The following POU3F3 variants were observed in gnomAD, a reference collection of about 807,000 sequenced individuals.
POU3F3 encodes the protein POU domain, class 3, transcription factor 3.
In POU3F3, 1 loss-of-function variant was observed where a neutral mutation model predicts 8.6. The observed-to-expected ratio is 0.12, with a 90% CI of 0.04 to 0.55. POU3F3 has a LOEUF of 0.55. Among genes scored for constraint, POU3F3 ranks in the 20% least tolerant of loss-of-function variants. The pLI, the probability that POU3F3 is intolerant of heterozygous loss-of-function variation, is 0.91. For synonymous variants in POU3F3, 418 were observed against 327.4 expected, an observed-to-expected ratio of 1.28 and a Z score of -2.99; for missense variants, 577 against 690.7, an observed-to-expected ratio of 0.84 and a Z score of 1.84.
At chr2:104,872,285 G>A in the POU3F3 span, 1 of 456,540 alleles carries the variant, frequency 2.2e-6, no homozygotes, top group African/African-American at 2.0e-5. This position sits in a 1 kb window ranked among gnomAD's most constrained non-coding sequence, Gnocchi z 4.6. Flanking sequence ...ACAGGAAACC[G>A]GCCTCTTCGG....
the POU3F3 span, chr2:104,867,402 C>G: frequency 7.4e-4 from 112 of 152,356 alleles, 1 homozygote; most frequent in African/African-American, 2.5e-3. This position sits in a 1 kb window ranked among gnomAD's most constrained non-coding sequence, Gnocchi z 5.0. Flanking sequence ...AGGCTCCCTA[C>G]AAAACTAGTA....
the POU3F3 span, among the ~76,000 whole-genome samples, chr2:104,900,272 A>G: frequency 6.6e-6 from 1 of 152,334 alleles, no homozygotes; most frequent in East Asian, 1.9e-4. Context: ...GTTAGATGAC[A>G]CTTTAACAAC....
the POU3F3 span, chr2:104,865,454 A>C: frequency 6.6e-6 from 1 of 152,248 alleles, no homozygotes; most frequent in African/African-American, 2.4e-5. Context: ...AATGGAATGG[A>C]CATTGAGATG....
chr2:104,863,159 AATTATT>A (rs3056838), downstream of POU3F3, among the ~76,000 whole-genome samples: 29,072 of 134,622 alleles, frequency 0.22, 3,208 homozygotes, highest in African/African-American at 0.26. Flanking sequence ...TCATAATAAC[AATTATT>A]ATTATTATTA....
At chr2:104,927,151 A>G in the POU3F3 span, among the ~76,000 whole-genome samples, 1 of 152,160 alleles carries the variant, frequency 6.6e-6, no homozygotes, top group African/African-American at 2.4e-5. Context: ...TGGGAAAGGC[A>G]AGGGATCTCT....
At chr2:104,866,888 G>T in the POU3F3 span, 1 of 152,250 alleles carries the variant, frequency 6.6e-6, no homozygotes, top group Non-Finnish European at 1.5e-5. Context: ...GGTATGGTGG[G>T]GGCAGTGGTA....
At chr2:104,926,226 A>G in the POU3F3 span, among the ~76,000 whole-genome samples, 2 of 152,258 alleles carry the variant, frequency 1.3e-5, no homozygotes, top group East Asian at 1.9e-4. Flanking sequence ...GCTAATATCC[A>G]GAATCTACAA....
chr2:104,906,977 G>A, the POU3F3 span, among the ~76,000 whole-genome samples: 47 of 152,024 alleles, frequency 3.1e-4, no homozygotes, highest in Non-Finnish European at 5.6e-4. Context: ...TATCTGTCGG[G>A]GTTGGCTTTC....
chr2:104,919,404 G>A, the POU3F3 span, among the ~76,000 whole-genome samples: 1 of 152,186 alleles, frequency 6.6e-6, no homozygotes, highest in Non-Finnish European at 1.5e-5. Context: ...AGCTTTCAGA[G>A]CCCATTCCTG....
chr2:104,914,623 G>T, the POU3F3 span, among the ~76,000 whole-genome samples: 1 of 152,186 alleles, frequency 6.6e-6, no homozygotes, highest in African/African-American at 2.4e-5. Context: ...TGGTGAGGGT[G>T]TGGGTATATC....
At chr2:104,922,695 T>C in the POU3F3 span, among the ~76,000 whole-genome samples, 2 of 152,248 alleles carry the variant, frequency 1.3e-5, no homozygotes, top group South Asian at 4.1e-4. Flanking sequence ...TTGTGGACAT[T>C]GTGGGAGTTC....
chr2:104,856,821 C>T lies in POU3F3; in HGVS notation c.1311C>T (p.Thr437=), dbSNP rs769403407. ...CCAAGCCCTCCGCGCAGGAGATCAC[C>T]AACCTGGCCGACAGCCTGCAGCTCG... The part of the protein sequence containing the change: ...KCPKPSAQEI[T]NLADSLQLEK... Residue 437 remains threonine, a synonymous_variant, in exon 1 of 1, where the codon ACC becomes ACT. Coordinates refer to ENST00000361360, the MANE Select transcript of POU3F3 (RefSeq NM_006236.3). 3.5e-5 allele frequency: 56 copies of T among 1,614,020 alleles called. No homozygotes were observed. Among genetic ancestry groups the T allele is most frequent in the South Asian group, 3.2e-4 (29 of 91,090 alleles).
chr2:104,859,101 A>G (rs1429365553), downstream of POU3F3, among the ~76,000 whole-genome samples: 4 of 149,888 alleles, frequency 2.7e-5, no homozygotes, highest in African/African-American at 9.9e-5. Flanking sequence ...ATCAATAACT[A>G]TATGTAATTA....
the POU3F3 span, among the ~76,000 whole-genome samples, chr2:104,871,677 G>A: frequency 1.3e-5 from 2 of 152,036 alleles, no homozygotes; most frequent in East Asian, 1.9e-4. Context: ...CCCTGCTTTT[G>A]GTAAACTATC....
At chr2:104,865,038 CCA>C in the POU3F3 span, among the ~76,000 whole-genome samples, 1 of 152,176 alleles carries the variant, frequency 6.6e-6, no homozygotes, top group African/African-American at 2.4e-5. Flanking sequence ...TACTCAATTG[CCA>C]CAGTTTTAGA....
the POU3F3 span, among the ~76,000 whole-genome samples, chr2:104,923,503 T>C: frequency 6.6e-6 from 1 of 152,142 alleles, no homozygotes; most frequent in Non-Finnish European, 1.5e-5. Context: ...ATCTTCATGG[T>C]AGTTGCGAAA....
chr2:104,899,574 GC>G, the POU3F3 span, among the ~76,000 whole-genome samples: 1 of 152,162 alleles, frequency 6.6e-6, no homozygotes, highest in African/African-American at 2.4e-5. Flanking sequence ...GAAAATATTG[GC>G]TTGGAGAAGA....
the POU3F3 span, among the ~76,000 whole-genome samples, chr2:104,924,005 G>A: frequency 6.6e-6 from 1 of 152,210 alleles, no homozygotes; most frequent in Admixed American, 6.5e-5. Flanking sequence ...AGAAGAAGGG[G>A]GAGTTAGTGT....
At position 104,857,033 on chromosome 2, in the gene POU3F3, G is replaced by GAGGGCC; in HGVS notation, c.*21_*26dup. 6.7e-7 allele frequency: 1 copy of GAGGGCC among 1,488,558 alleles called. No homozygotes were observed. Among genetic ancestry groups the GAGGGCC allele is most frequent in the Non-Finnish European group, 9.0e-7 (1 of 1,115,510 alleles). 92.2% of individuals were successfully genotyped at this position (1,488,558 alleles called of 1,614,324 possible). A position where few individuals can be genotyped will look rare whatever the true frequency, so the allele number is the denominator to read the frequency against. On this transcript the variant is annotated 3_prime_UTR_variant, in exon 1 of 1. Transcript: ENST00000361360. ...CAGTGAAGCCAGGGCGCAGAGCGAA[G>GAGGGCC]AGGGCCGCCGCCGCCGCCGCCTCCG...
Sources: allele counts gnomAD v4.1 joint callset (sites outside exome capture counted in the v4.1 genomes callset), GRCh38; gene constraint gnomAD v4.1.1; non-coding constraint Gnocchi (gnomAD v3.1); transcripts MANE v1.5; gene names NCBI Gene and HGNC (gene_info 2026-07-23, HGNC 2026-07-21).